Variants in PRH1 observed in about 807,000 individuals in gnomAD.
The protein encoded by PRH1 is salivary acidic proline-rich phosphoprotein 1/2.
Under a neutral mutation model 7.9 loss-of-function variants are expected in PRH1, and 7 were observed. The observed-to-expected ratio is 0.89, with a 90% CI of 0.50 to 1.67. The LOEUF is 1.67. Ranked by LOEUF, PRH1 falls within the 40% of genes most tolerant of loss-of-function variation. The pLI, the probability that PRH1 is intolerant of heterozygous loss-of-function variation, is 0.00. For synonymous variants in PRH1, 45 were observed against 80.8 expected (o/e 0.56, Z 2.38); for missense variants, 109 against 223.6 (o/e 0.49, Z 3.27).
intron 2 of PRH1, chr12:10,930,360 A>G (rs889434415): frequency 1.3e-6 from 2 of 1,576,372 alleles, no homozygotes; most frequent in African/African-American, 2.7e-5. Context: ...TGAAAAATTG[A>G]TCAGTTCTCC....
At chr12:10,956,202 A>C (rs1937947922) in intron 2 of PRH1, among the ~76,000 whole-genome samples, 1 of 152,218 alleles carries the variant, frequency 6.6e-6, no homozygotes. Context: ...TGAATCCAGC[A>C]GCACATCAAA....
chr12:10,943,872 A>C (rs998670117), intron 2 of PRH1, among the ~76,000 whole-genome samples: 1 of 152,152 alleles, frequency 6.6e-6, no homozygotes, highest in African/African-American at 2.4e-5. Context: ...CAAAGATTAG[A>C]TAGTCATAAA....
chr12:10,975,263 C>T (rs2135959074), intron 1 of PRH1, among the ~76,000 whole-genome samples: 1 of 152,312 alleles, frequency 6.6e-6, no homozygotes, highest in South Asian at 2.1e-4. Context: ...TGGGGGCTTA[C>T]ATTCAGCAGT....
At chr12:10,931,963 C>T (rs1800590085) in intron 2 of PRH1, among the ~76,000 whole-genome samples, 1 of 152,174 alleles carries the variant, frequency 6.6e-6, no homozygotes, top group African/African-American at 2.4e-5. Flanking sequence ...CTGAAAATAA[C>T]CCTTAACGTA....
At chr12:11,154,825 G>C (rs1304101966) in intron 1 of PRH1, among the ~76,000 whole-genome samples, 1 of 152,158 alleles carries the variant, frequency 6.6e-6, no homozygotes, top group Non-Finnish European at 1.5e-5. Context: ...AAATTCCAGA[G>C]AGAATTCCCT....
intron 1 of PRH1, among the ~76,000 whole-genome samples, chr12:11,016,018 A>C (rs1290410990): frequency 6.6e-6 from 1 of 152,184 alleles, no homozygotes; most frequent in East Asian, 1.9e-4. Flanking sequence ...CCCACCAAGG[A>C]ATGTTTACCT....
At chr12:10,993,024 T>C (rs1329020638) in intron 1 of PRH1, among the ~76,000 whole-genome samples, 1 of 151,982 alleles carries the variant, frequency 6.6e-6, no homozygotes, top group African/African-American at 2.4e-5. Flanking sequence ...TTCCAGGAGG[T>C]GGTTGTCCAT....
chr12:11,145,193 T>C (rs1012044206), intron 1 of PRH1, among the ~76,000 whole-genome samples: 1 of 152,184 alleles, frequency 6.6e-6, no homozygotes, highest in Non-Finnish European at 1.5e-5. Context: ...TTTTGTTTTT[T>C]GTTTTTGGTT....
At chr12:11,021,276 T>G (rs907437518) in intron 1 of PRH1, among the ~76,000 whole-genome samples, 1 of 151,926 alleles carries the variant, frequency 6.6e-6, no homozygotes. Flanking sequence ...TCACCAATGA[T>G]AGTTAAGCAC....
chr12:10,931,835 T>G (rs548711728), intron 2 of PRH1, among the ~76,000 whole-genome samples: 1 of 152,258 alleles, frequency 6.6e-6, no homozygotes, highest in African/African-American at 2.4e-5. Flanking sequence ...TTTTTTACAA[T>G]TATATATGAT....
chr12:11,127,495 T>C (rs1478173468), intron 1 of PRH1, among the ~76,000 whole-genome samples: 1 of 151,860 alleles, frequency 6.6e-6, no homozygotes, highest in Non-Finnish European at 1.5e-5. Context: ...CCAACTTTTC[T>C]ACCAAAAGTG....
Position 11,121,478 on chromosome 12 carries a change from A to G in PRH1, n.40-298T>C, listed in dbSNP as rs1592052483. Among the ~76,000 whole-genome samples the G allele has an allele frequency of 2.0e-5, 3 of 152,372 alleles. No individual in the cohort carries two copies. In the South Asian group the frequency reaches 6.2e-4, roughly 32 times the overall value. ...GCTCAGAGGTGGCTAAGCAAATTAA[A>G]TGGAAATACTTGACATCAGATGTCA... On this transcript the variant is annotated intron_variant and non_coding_transcript_variant, in intron 1 of 1. Coordinates refer to the PRH1 transcript ENST00000541175.
rs546066515 is a variant in PRH1 at position 10,903,931 on chromosome 12, C to CAAAAAAAAAAAAA, written c.-58-19669_-58-19657dup. 7.1e-4 allele frequency among the ~76,000 whole-genome samples: 22 copies of CAAAAAAAAAAAAA among 31,094 alleles called. 1 individual carries two copies. The highest frequency in any genetic ancestry group is 1.5e-3 in the East Asian group (1 of 674). 20.4% of individuals were successfully genotyped at this position (31,094 alleles called of 152,430 possible). A position where few individuals can be genotyped will look rare whatever the true frequency, so the allele number is the denominator to read the frequency against. ...AATGCAATCCCATTTACAATAGCCTCAAAAAAAAAAAAAAAAAAAAAAACA... is the reference window on the plus strand; with the variant it reads ...AATGCAATCCCATTTACAATAGCCTCAAAAAAAAAAAAAAAAAAAAAAAAAAAAAAAAAAAACA... On this transcript the variant is annotated intron_variant, in intron 2 of 3. Transcript: ENST00000539853.
rs1456781977 is a variant in PRH1, at chr12:10,930,632, G to A, written c.-59+43023C>T. On this transcript the variant is annotated intron_variant, in intron 2 of 3. Coordinates refer to the PRH1 transcript ENST00000539853. ...AAGACAGGAGGGTTTTCCAGCATGA[G>A]CTCAGCTCTTCTTGTTTCAACTCAC... is the stretch of plus-strand genomic sequence containing the variant. The A allele has an allele frequency of 4.3e-6, 7 of 1,612,506 alleles. No homozygotes were observed. In the African/African-American group the frequency reaches 9.4e-5, roughly 22 times the overall value.
intron 1 of PRH1, chr12:11,133,727 T>G: frequency 1.2e-6 from 2 of 1,614,182 alleles, no homozygotes; most frequent in East Asian, 2.2e-5. Flanking sequence ...ATTTGAATGG[T>G]ACATTGCACT....
At chr12:11,091,574 G>C (rs375090497) in intron 1 of PRH1, 1 of 1,362,584 alleles carries the variant, frequency 7.3e-7, no homozygotes, top group Non-Finnish European at 1.0e-6. Context: ...CTTGGTGCTG[G>C]GATCTTGAGA....
chr12:10,948,398 C>T (rs114606662), intron 2 of PRH1, among the ~76,000 whole-genome samples: 3,009 of 152,270 alleles, frequency 0.02, 34 homozygotes, highest in South Asian at 0.031. Context: ...TGAAACTCTT[C>T]CCTCAGACTA....
chr12:11,153,119 T>A (rs544337639), intron 1 of PRH1, among the ~76,000 whole-genome samples: 1 of 152,144 alleles, frequency 6.6e-6, no homozygotes, highest in African/African-American at 2.4e-5. Flanking sequence ...CAAGTTCCTA[T>A]AGAAGACAAG....
intron 1 of PRH1, among the ~76,000 whole-genome samples, chr12:11,163,438 CAT>C (rs1947476209): frequency 6.6e-6 from 1 of 151,608 alleles, no homozygotes; most frequent in Non-Finnish European, 1.5e-5. Flanking sequence ...GATCCTACAA[CAT>C]AGTTTTTTTA....
Sources: allele counts gnomAD v4.1 joint callset (sites outside exome capture counted in the v4.1 genomes callset), GRCh38; gene constraint gnomAD v4.1.1; transcripts MANE v1.5; gene names NCBI Gene and HGNC (gene_info 2026-07-23, HGNC 2026-07-21).